The following CHST6 variants were observed in gnomAD, a reference collection of about 807,000 sequenced individuals.
The protein encoded by CHST6 is carbohydrate sulfotransferase 6, also known as N-acetylglucosamine 6-O-sulfotransferase 5.
For missense variants in CHST6, 698 were observed against 586.2 expected (o/e 1.19, Z -1.97); for synonymous variants, 309 against 276.4 (o/e 1.12, Z -1.17).
In CHST6 at chr16:75,476,585, A is replaced by AAAAAAG. The variant is rs2080068380; in HGVS notation, c.*2055_*2056insCTTTTT. 7.2e-6 allele frequency: 1 copy of AAAAAAG among 138,840 alleles called. No individual in the cohort carries two copies. The highest frequency in any genetic ancestry group is 7.2e-5 in the Admixed American group (1 of 13,794). The allele number at this position is 138,840 out of a possible 1,614,324, so 8.6% of individuals were successfully genotyped here. On this transcript the variant is annotated 3_prime_UTR_variant, in exon 3 of 3. Coordinates refer to ENST00000332272, the MANE Select transcript of CHST6 (RefSeq NM_021615.5). ...CAAAAAAAAAAAAAAAAAAAAAAAA[A>AAAAAAG]TGGCCCTGGAGAGCTGTCTCCCATC... is the stretch of plus-strand genomic sequence containing the variant.
chr16:75,491,220 A>AT (rs1567416191), intron 1 of CHST6, among the ~76,000 whole-genome samples: 2 of 126,144 alleles, frequency 1.6e-5, no homozygotes, highest in East Asian at 2.8e-4. Context: ...TATATATATA[A>AT]AATATAATAT....
At position 75,478,584 on chromosome 16, in the gene CHST6, C is replaced by G. The variant is rs2080091515; in HGVS notation, c.*57G>C. 2.5e-6 allele frequency: 4 copies of G among 1,574,352 alleles called. No homozygotes were observed. The highest frequency in any genetic ancestry group is 2.7e-5 in the African/African-American group (2 of 74,174). ...CCTGCTTCTCCGTGCGCCCCAGCCC[C>G]CTCTGCACCATGCACTCTCCTCCCG... On this transcript the variant is annotated 3_prime_UTR_variant, in exon 3 of 3. Transcript: ENST00000332272.
chr16:75,478,582 C>A lies in CHST6; in HGVS notation c.*59G>T. On this transcript the variant is annotated 3_prime_UTR_variant, in exon 3 of 3. Transcript: ENST00000332272. ...GACCTGCTTCTCCGTGCGCCCCAGC[C>A]CCCTCTGCACCATGCACTCTCCTCC... The A allele has an allele frequency of 6.4e-7, 1 of 1,564,146 alleles. No homozygotes were observed. The highest frequency in any genetic ancestry group is 8.8e-7 in the Non-Finnish European group (1 of 1,135,488).
At chr16:75,493,823 C>T (rs1444319927) in intron 1 of CHST6, among the ~76,000 whole-genome samples, 2 of 152,060 alleles carry the variant, frequency 1.3e-5, no homozygotes, top group African/African-American at 2.4e-5. Flanking sequence ...AAACAGAAGA[C>T]GCTGGAAAGT....
In CHST6 at chr16:75,473,656, C is replaced by T. The variant is rs908787884; in HGVS notation, c.*4985G>A. On this transcript the variant is annotated 3_prime_UTR_variant, in exon 3 of 3. Transcript: ENST00000332272. ...ACAACCCTTGACTCAGAGGTGGTAC[C>T]AGAGGCTGCTGCAGACAAATCCTGT... 6.6e-6 allele frequency: 1 copy of T among 152,164 alleles called. No individual in the cohort carries two copies. Among genetic ancestry groups the T allele is most frequent in the Admixed American group, 6.5e-5 (1 of 15,276 alleles). 9.4% of individuals were successfully genotyped at this position (152,164 alleles called of 1,614,324 possible). A position where few individuals can be genotyped will look rare whatever the true frequency, so the allele number is the denominator to read the frequency against.
rs1009388148 is a variant in CHST6 at position 75,478,479 on chromosome 16, A to C, written c.*162T>G. On this transcript the variant is annotated 3_prime_UTR_variant, in exon 3 of 3. Coordinates refer to ENST00000332272, the MANE Select transcript of CHST6 (RefSeq NM_021615.5). ...GGACTCAAAGGAAAACCAAGAATCA[A>C]GAGAGAAAGAAACGTGCAGTCCTTG... 4.3e-6 allele frequency: 3 copies of C among 704,314 alleles called. No homozygotes were observed. The highest frequency in any genetic ancestry group is 7.3e-6 in the Non-Finnish European group (3 of 408,518). The allele number at this position is 704,314 out of a possible 1,614,324, so 43.6% of individuals were successfully genotyped here.
At chr16:75,491,202 T>C (rs1242774452) in intron 1 of CHST6, among the ~76,000 whole-genome samples, 1 of 120,538 alleles carries the variant, frequency 8.3e-6, no homozygotes, top group African/African-American at 3.1e-5. Context: ...TATATATATA[T>C]ATATATATAT....
rs142310031 is a variant in CHST6, at chr16:75,486,496, C to T, written c.-91-4605G>A. On this transcript the variant is annotated intron_variant, in intron 1 of 2. Transcript: ENST00000332272. ...CATGTGTCCCAAGACAGACCCACCT[C>T]TATATTCCACACACTGACCCTGCCC... 7.4e-3 allele frequency among the ~76,000 whole-genome samples: 1,130 copies of T among 152,334 alleles called. 11 individuals are homozygous for T. Among genetic ancestry groups the T allele is most frequent in the African/African-American group, 0.025 (1,059 of 41,572 alleles).
chr16:75,480,686 T>C, intron 2 of CHST6, among the ~76,000 whole-genome samples: 1 of 152,060 alleles, frequency 6.6e-6, no homozygotes, highest in African/African-American at 2.4e-5. Flanking sequence ...CCCAGCACTT[T>C]GGGAGGCCGA....
rs1305296103 is a variant in CHST6 at position 75,474,190 on chromosome 16, AAAAAC to A, written c.*4446_*4450del. The A allele has an allele frequency of 6.3e-6, 1 of 157,544 alleles. No homozygotes were observed. Among genetic ancestry groups the A allele is most frequent in the African/African-American group, 2.4e-5 (1 of 41,736 alleles). The allele number at this position is 157,544 out of a possible 1,614,324, so 9.8% of individuals were successfully genotyped here. Reference sequence around the variant, plus strand: ...GACTCTGCCTCAAAAAAACAGAAACAAAAACATTGTTTTTCTTTGTGAATCTGTCT... The same window carrying A: ...GACTCTGCCTCAAAAAAACAGAAACAATTGTTTTTCTTTGTGAATCTGTCT... On this transcript the variant is annotated 3_prime_UTR_variant, in exon 3 of 3. Transcript: ENST00000332272.
chr16:75,487,081 C>G (rs897135236), intron 1 of CHST6, among the ~76,000 whole-genome samples: 1 of 152,160 alleles, frequency 6.6e-6, no homozygotes, highest in Non-Finnish European at 1.5e-5. Flanking sequence ...CAAATACTTG[C>G]CATTGCACTC....
chr16:75,494,628 C>T (rs1008552538), intron 1 of CHST6, among the ~76,000 whole-genome samples: 17 of 152,220 alleles, frequency 1.1e-4, no homozygotes, highest in Admixed American at 2.0e-4. Flanking sequence ...CTCAATAATT[C>T]TATGGAAAAA....
At position 75,495,388 on chromosome 16, in the gene CHST6, C is replaced by A. The variant is rs1049151220; in HGVS notation, c.-540G>T. On this transcript the variant is annotated 5_prime_UTR_variant, in exon 1 of 3. Transcript: ENST00000332272. ...CAACCCTCGGCGCTGCCCGGTGCAG[C>A]CCGCCCGAGCGCACACAATGAGGCG... 1 of 152,294 alleles carries A rather than the reference C, an allele frequency of 6.6e-6. No individual in the cohort carries two copies. The highest frequency in any genetic ancestry group is 1.5e-5 in the Non-Finnish European group (1 of 68,082). The allele number at this position is 152,294 out of a possible 1,614,324, so 9.4% of individuals were successfully genotyped here.
In CHST6 at chr16:75,490,474, G is replaced by A. The variant is rs139084215; in HGVS notation, c.-92+4466C>T. 7.1e-3 allele frequency: 1,081 copies of A among 152,106 alleles called. 5 individuals are homozygous for A. The highest frequency in any genetic ancestry group is 0.012 in the Non-Finnish European group (794 of 68,034). The allele number at this position is 152,106 out of a possible 1,614,324, so 9.4% of individuals were successfully genotyped here. A position where few individuals can be genotyped will look rare whatever the true frequency, so the allele number is the denominator to read the frequency against. ...GCCTGGGCAACAAGAGTGAAACTCCGTCTCAAAAAAAAAGGAAAGATGCTT... is the reference window on the plus strand; with the variant it reads ...GCCTGGGCAACAAGAGTGAAACTCCATCTCAAAAAAAAAGGAAAGATGCTT... On this transcript the variant is annotated intron_variant, in intron 1 of 2. Coordinates refer to ENST00000332272, the MANE Select transcript of CHST6 (RefSeq NM_021615.5).
At chr16:75,486,666 CAAGCTGACAGCACCATCT>C (rs1330719941) in intron 1 of CHST6, among the ~76,000 whole-genome samples, 5 of 152,350 alleles carry the variant, frequency 3.3e-5, no homozygotes, top group Admixed American at 6.5e-5. Context: ...AGTTCACAGG[CAAGCTGACAGCACCATCT>C]AAGCATTTGG....
At position 75,489,744 on chromosome 16, in the gene CHST6, A is replaced by G. The variant is rs1010979125; in HGVS notation, c.-92+5196T>C. On this transcript the variant is annotated intron_variant, in intron 1 of 2. Coordinates refer to ENST00000332272, the MANE Select transcript of CHST6 (RefSeq NM_021615.5). Reference sequence around the variant, plus strand: ...GAGCTCTTACAACTCAACACAAAATAGGCAAATATCCTATTTAGTTTTTTA... The same window carrying G: ...GAGCTCTTACAACTCAACACAAAATGGGCAAATATCCTATTTAGTTTTTTA... Among the ~76,000 whole-genome samples the G allele has an allele frequency of 2.7e-4, 41 of 151,714 alleles. 1 individual carries two copies. Among genetic ancestry groups the G allele is most frequent in the African/African-American group, 9.3e-4 (38 of 41,014 alleles).
At chr16:75,489,585 C>T (rs2080236013) in intron 1 of CHST6, among the ~76,000 whole-genome samples, 1 of 151,718 alleles carries the variant, frequency 6.6e-6, no homozygotes, top group Non-Finnish European at 1.5e-5. Flanking sequence ...TGTGTGTGTT[C>T]TTAGATGTGC....
rs773150182 is a variant in CHST6, at chr16:75,477,325, T to C, written c.*1316A>G. ...GCTTGCTTTGCAGGGAGGATGTGAC[T>C]CCACAATCCAGGTTCCCCCAATCTG... On this transcript the variant is annotated 3_prime_UTR_variant, in exon 3 of 3. Transcript: ENST00000332272. The C allele has an allele frequency of 2.6e-5, 4 of 152,212 alleles. No homozygotes were observed. The highest frequency in any genetic ancestry group is 6.5e-5 in the Admixed American group (1 of 15,286). 9.4% of individuals were successfully genotyped at this position (152,212 alleles called of 1,614,324 possible).
chr16:75,483,071 G>A (rs530823463), intron 1 of CHST6, among the ~76,000 whole-genome samples: 9 of 152,332 alleles, frequency 5.9e-5, no homozygotes, highest in East Asian at 3.9e-4. Flanking sequence ...TCAAGTCCAC[G>A]CGATGACTTA....
Sources: gnomAD v4.1 joint callset for allele counts (sites outside exome capture counted in the v4.1 genomes callset) on GRCh38, gnomAD v4.1.1 for gene constraint, MANE v1.5 for transcripts, NCBI Gene and HGNC (gene_info 2026-07-23, HGNC 2026-07-21) for gene names.